Variants in TPST1 observed in about 807,000 individuals in gnomAD.
The protein encoded by TPST1 is tyrosylprotein sulfotransferase 1.
TPST1 carries 20 observed loss-of-function variants against 34.8 expected under a neutral mutation model. The ratio of observed to expected loss-of-function variants is 0.57; its 90% confidence interval spans 0.40 to 0.84. The LOEUF is 0.84. Ranked by LOEUF, TPST1 falls within the 40% of genes least tolerant of loss-of-function variation. TPST1 has a pLI of 0.00. For missense variants in TPST1, 353 were observed against 455.5 expected, an observed-to-expected ratio of 0.78 and a Z score of 2.05; for synonymous variants, 152 against 159.4, an observed-to-expected ratio of 0.95 and a Z score of 0.35.
At chr7:66,303,569 C>G (rs1185671451) in intron 3 of TPST1, among the ~76,000 whole-genome samples, 1 of 152,026 alleles carries the variant, frequency 6.6e-6, no homozygotes, top group Non-Finnish European at 1.5e-5. Flanking sequence ...GCCACCATGC[C>G]TGGCTAATTT....
intron 3 of TPST1, among the ~76,000 whole-genome samples, chr7:66,315,563 A>G (rs1791616483): frequency 6.6e-6 from 1 of 152,248 alleles, no homozygotes; most frequent in Non-Finnish European, 1.5e-5. Context: ...GAATGGTAGT[A>G]TAACCAGCAC....
Position 66,352,559 on chromosome 7 carries a change from C to G in TPST1, c.1095+4C>G. On this transcript the variant is annotated splice_donor_region_variant and intron_variant, in intron 4 of 5. Coordinates refer to ENST00000304842, the MANE Select transcript of TPST1 (RefSeq NM_003596.4). ...CTTTCTTAAAGAAAAACCACAGGTA[C>G]TGTGTCTGCTTTTTCCTCCTGATGT... 1.9e-6 allele frequency: 3 copies of G among 1,612,988 alleles called. No individual in the cohort carries two copies. Among genetic ancestry groups the G allele is most frequent in the Non-Finnish European group, 1.7e-6 (2 of 1,179,780 alleles).
intron 3 of TPST1, among the ~76,000 whole-genome samples, chr7:66,330,534 T>C (rs1791976352): frequency 6.6e-6 from 1 of 152,198 alleles, no homozygotes; most frequent in South Asian, 2.1e-4. Context: ...GACCATCTAA[T>C]TCATTCGGCA....
chr7:66,340,451 A>G lies in TPST1; in HGVS notation c.1045-12054A>G, dbSNP rs559909874. Among the ~76,000 whole-genome samples the G allele has an allele frequency of 1.3e-4, 20 of 152,334 alleles. 1 individual carries two copies. In the South Asian group the frequency reaches 2.5e-3, roughly 19 times the overall value. Reference sequence around the variant, plus strand: ...AAATTGGAAAGGAAGAAACCACATTATCTTTATTTGCAGATAACATGATCC... The same window carrying G: ...AAATTGGAAAGGAAGAAACCACATTGTCTTTATTTGCAGATAACATGATCC... On this transcript the variant is annotated intron_variant, in intron 3 of 5. Coordinates refer to ENST00000304842, the MANE Select transcript of TPST1 (RefSeq NM_003596.4).
chr7:66,237,295 C>A (rs1301708597), intron 1 of TPST1, among the ~76,000 whole-genome samples: 1 of 152,154 alleles, frequency 6.6e-6, no homozygotes, highest in Non-Finnish European at 1.5e-5. Context: ...GTGGGAGTAA[C>A]CTTACACAGA....
At chr7:66,227,086 T>G (rs1435182980) in intron 1 of TPST1, among the ~76,000 whole-genome samples, 2 of 125,394 alleles carry the variant, frequency 1.6e-5, no homozygotes, top group African/African-American at 3.1e-5. Context: ...CAAGCTGGAG[T>G]GCAGTGGTGC....
chr7:66,218,770 T>A (rs1789478455), intron 1 of TPST1, among the ~76,000 whole-genome samples: 1 of 152,028 alleles, frequency 6.6e-6, no homozygotes, highest in African/African-American at 2.4e-5. Context: ...CGGCATGAAC[T>A]TGGGAGGTGG....
chr7:66,271,354 T>A (rs1222509833), intron 2 of TPST1, among the ~76,000 whole-genome samples: 1 of 152,206 alleles, frequency 6.6e-6, no homozygotes, highest in East Asian at 1.9e-4. Flanking sequence ...AATTTTTGTA[T>A]TTTTAGTAGA....
At chr7:66,253,053 C>T (rs574791152) in intron 2 of TPST1, among the ~76,000 whole-genome samples, 1 of 152,210 alleles carries the variant, frequency 6.6e-6, no homozygotes, top group South Asian at 2.1e-4. Context: ...GGGAAAAATT[C>T]CACAGAGTTC....
At position 66,352,896 on chromosome 7, in the gene TPST1, T is replaced by C. The variant is rs1318847000; in HGVS notation, c.1095+341T>C. The C allele has an allele frequency of 5.1e-6, 5 of 985,346 alleles. No homozygotes were observed. The African/African-American group carries it at 8.7e-5, about 17-fold the overall frequency. The allele number at this position is 985,346 out of a possible 1,614,324, so 61.0% of individuals were successfully genotyped here. On this transcript the variant is annotated intron_variant, in intron 4 of 5. Transcript: ENST00000304842. ...CAGTGCCTAATTTGAAATAAAAATG[T>C]TCAGCGACCCTCTCTGTTCCTACTC...
chr7:66,325,481 T>C (rs1350151132), intron 3 of TPST1, among the ~76,000 whole-genome samples: 1 of 152,132 alleles, frequency 6.6e-6, no homozygotes, highest in Non-Finnish European at 1.5e-5. Context: ...TAACAATTTT[T>C]TTAAGTTTCC....
chr7:66,256,691 T>C (rs1790389826), intron 2 of TPST1, among the ~76,000 whole-genome samples: 1 of 152,224 alleles, frequency 6.6e-6, no homozygotes, highest in African/African-American at 2.4e-5. Flanking sequence ...ATCAAATTCC[T>C]AGGCCCAGCT....
intron 5 of TPST1, 56 bp downstream of exon 5, chr7:66,356,927 G>T (rs368381191): frequency 1.6e-5 from 25 of 1,587,332 alleles, no homozygotes; most frequent in East Asian, 2.2e-5. Flanking sequence ...GCTCTTGCAG[G>T]GGGCTGGGTG....
At chr7:66,203,445 A>G (rs1396727103), upstream of TPST1, among the ~76,000 whole-genome samples, 1 of 149,756 alleles carries the variant, frequency 6.7e-6, no homozygotes, top group African/African-American at 2.5e-5. Context: ...TGTACCTTAG[A>G]CAGTTGCTGT....
chr7:66,303,689 CG>C (rs1180175682), intron 3 of TPST1, among the ~76,000 whole-genome samples: 1 of 151,992 alleles, frequency 6.6e-6, no homozygotes, highest in Non-Finnish European at 1.5e-5. Flanking sequence ...GGATTACAGG[CG>C]TGAGTCACTG....
chr7:66,286,297 A>C (rs912329886), intron 2 of TPST1, among the ~76,000 whole-genome samples: 7 of 152,086 alleles, frequency 4.6e-5, no homozygotes, highest in African/African-American at 1.7e-4. Context: ...CCTTTTCCCA[A>C]TTTCTAGAAA....
intron 2 of TPST1, among the ~76,000 whole-genome samples, chr7:66,256,036 A>G (rs981512073): frequency 4.6e-5 from 7 of 152,226 alleles, no homozygotes; most frequent in Non-Finnish European, 8.8e-5. Context: ...ATATTTTTCT[A>G]TAAAGAAGAC....
intron 4 of TPST1, among the ~76,000 whole-genome samples, chr7:66,355,886 C>CA (rs1385659725): frequency 8.5e-6 from 1 of 118,038 alleles, no homozygotes; most frequent in Non-Finnish European, 1.6e-5. Flanking sequence ...ACCTGGGTGA[C>CA]AGAGCAAGAC....
chr7:66,213,990 C>A (rs1789333946), intron 1 of TPST1, among the ~76,000 whole-genome samples: 1 of 152,156 alleles, frequency 6.6e-6, no homozygotes, highest in African/African-American at 2.4e-5. Flanking sequence ...TAGCTCCCAG[C>A]CTGCCTTTTG....
Sources: allele counts gnomAD v4.1 joint callset (sites outside exome capture counted in the v4.1 genomes callset), GRCh38; gene constraint gnomAD v4.1.1; transcripts MANE v1.5; gene names NCBI Gene and HGNC (gene_info 2026-07-23, HGNC 2026-07-21).